The following DGKB variants were observed in gnomAD, a reference collection of about 807,000 sequenced individuals.
The protein encoded by DGKB is 90 kDa diacylglycerol kinase.
In DGKB, 67 loss-of-function variants were observed where a neutral mutation model predicts 114.3. The observed-to-expected ratio is 0.59, with a 90% CI of 0.48 to 0.72. DGKB has a LOEUF of 0.72. DGKB is among the 30% of genes least tolerant of loss of function. The pLI is 0.00. For missense variants in DGKB, 907 were observed against 975.2 expected, an observed-to-expected ratio of 0.93 and a Z score of 0.93; for synonymous variants, 398 against 323.1, an observed-to-expected ratio of 1.23 and a Z score of -2.49.
chr7:14,744,497 CTA>C (rs1832988097), intron 4 of DGKB, among the ~76,000 whole-genome samples: 1 of 152,076 alleles, frequency 6.6e-6, no homozygotes, highest in Non-Finnish European at 1.5e-5. Flanking sequence ...CCCAGGAACT[CTA>C]TATTCTAGGA....
chr7:14,300,251 C>T (rs1803289481), intron 23 of DGKB, among the ~76,000 whole-genome samples: 1 of 152,068 alleles, frequency 6.6e-6, no homozygotes, highest in Non-Finnish European at 1.5e-5. Context: ...CATACAATAG[C>T]AAAGTGCACC....
chr7:14,592,888 A>G (rs895306351), intron 17 of DGKB, among the ~76,000 whole-genome samples: 1 of 151,928 alleles, frequency 6.6e-6, no homozygotes, highest in Non-Finnish European at 1.5e-5. Context: ...TCAACAATAC[A>G]TTATAAAATT....
At chr7:14,434,925 G>A (rs543386293) in intron 21 of DGKB, among the ~76,000 whole-genome samples, 2 of 152,122 alleles carry the variant, frequency 1.3e-5, no homozygotes, top group African/African-American at 2.4e-5. Flanking sequence ...TTCACACTAA[G>A]CTTGTTTTGC....
intron 1 of DGKB, among the ~76,000 whole-genome samples, chr7:14,923,207 T>A (rs970129302): frequency 6.6e-6 from 1 of 152,244 alleles, no homozygotes; most frequent in Non-Finnish European, 1.5e-5. Flanking sequence ...TATTTTCTAA[T>A]TTCACTATAA....
chr7:14,841,128 T>A, intron 2 of DGKB, 66 bp downstream of exon 2: 2 of 1,374,868 alleles, frequency 1.5e-6, no homozygotes, highest in South Asian at 1.3e-5. Flanking sequence ...TCCATTCTTA[T>A]AAATAAATGA....
chr7:14,184,310 G>A (rs575887669), intron 23 of DGKB, among the ~76,000 whole-genome samples: 1 of 152,252 alleles, frequency 6.6e-6, no homozygotes, highest in South Asian at 2.1e-4. Context: ...CTCAGGAGAG[G>A]GCGCAAATCT....
At chr7:14,231,085 T>TTCTTTCTC (rs879505673) in intron 23 of DGKB, among the ~76,000 whole-genome samples, 5,378 of 41,574 alleles carry the variant, frequency 0.13, 137 homozygotes, top group Non-Finnish European at 0.14. Flanking sequence ...TTCTTTCCCT[T>TTCTTTCTC]TCTTTCTTTC....
rs116350457 is a variant in DGKB at position 14,954,914 on chromosome 7, A to G, written c.-188+19782T>C. 8.5e-3 allele frequency among the ~76,000 whole-genome samples: 1,289 copies of G among 152,154 alleles called. 14 individuals are homozygous for G. The highest frequency in any genetic ancestry group is 0.024 in the African/African-American group (996 of 41,550). ...TTATGTATATATTTTTTCCAAATCA[A>G]TGACAAACTATAGATAGAGCATACA... On this transcript the variant is annotated intron_variant, in intron 1 of 4. Coordinates refer to the DGKB transcript ENST00000437998.
intron 2 of DGKB, among the ~76,000 whole-genome samples, chr7:14,821,999 T>A (rs1845009740): frequency 6.6e-6 from 1 of 152,198 alleles, no homozygotes; most frequent in Admixed American, 6.5e-5. Context: ...GTCATAACTT[T>A]ATTTTCCCCC....
At chr7:14,387,476 A>T (rs1047984219) in intron 21 of DGKB, among the ~76,000 whole-genome samples, 6 of 150,864 alleles carry the variant, frequency 4.0e-5, no homozygotes, top group African/African-American at 1.2e-4. Flanking sequence ...GCAGTGGCAT[A>T]ATCTGGGTTC....
At chr7:14,365,503 A>C (rs1443480651) in intron 21 of DGKB, among the ~76,000 whole-genome samples, 1 of 152,246 alleles carries the variant, frequency 6.6e-6, no homozygotes, top group East Asian at 1.9e-4. Context: ...AAGTCTAAGG[A>C]CTTGACAAAA....
At chr7:14,787,701 G>A (rs1363751901) in intron 2 of DGKB, among the ~76,000 whole-genome samples, 1 of 152,178 alleles carries the variant, frequency 6.6e-6, no homozygotes, top group Non-Finnish European at 1.5e-5. Flanking sequence ...GAAATAATGT[G>A]GGCAGGCAAG....
At chr7:14,775,525 T>C (rs951188361) in intron 2 of DGKB, among the ~76,000 whole-genome samples, 1 of 151,568 alleles carries the variant, frequency 6.6e-6, no homozygotes, top group Admixed American at 6.6e-5. Flanking sequence ...TCTCCACATG[T>C]TGTGGGAGCG....
chr7:14,680,580 G>A (rs968525656), intron 12 of DGKB, among the ~76,000 whole-genome samples: 1 of 151,440 alleles, frequency 6.6e-6, no homozygotes, highest in African/African-American at 2.4e-5. Flanking sequence ...AAAACAATGA[G>A]AAAAACAAAA....
chr7:14,698,004 AG>A, intron 8 of DGKB, 90 bp downstream of exon 8: 1 of 712,610 alleles, frequency 1.4e-6, no homozygotes, highest in African/African-American at 2.0e-5. Flanking sequence ...AAAAAAAGAA[AG>A]AAAGAAAGAA....
At chr7:14,583,263 G>A (rs541251362) in intron 17 of DGKB, 126 bp from the exon 18 acceptor site, 106 of 549,652 alleles carry the variant, frequency 1.9e-4, no homozygotes, top group Non-Finnish European at 3.0e-4. Context: ...AAATATCTCA[G>A]TGATAACTTA....
chr7:14,919,085 CACACACACAA>C (rs1300818387), intron 1 of DGKB, among the ~76,000 whole-genome samples: 11 of 122,190 alleles, frequency 9.0e-5, no homozygotes, highest in African/African-American at 1.6e-4. Context: ...CACACACACA[CACACACACAA>C]ACACACACAC....
chr7:14,205,832 G>C (rs911528323), intron 23 of DGKB, among the ~76,000 whole-genome samples: 2 of 151,966 alleles, frequency 1.3e-5, no homozygotes, highest in Admixed American at 1.3e-4. Flanking sequence ...CTACGTATGG[G>C]AAGTAGAATC....
At chr7:14,349,588 C>G (rs1039042218) in intron 21 of DGKB, among the ~76,000 whole-genome samples, 2 of 152,148 alleles carry the variant, frequency 1.3e-5, no homozygotes, top group African/African-American at 4.8e-5. Context: ...GTTAGCATTA[C>G]TGCTCATGTG....
Sources: gnomAD v4.1 joint callset for allele counts (sites outside exome capture counted in the v4.1 genomes callset) on GRCh38, gnomAD v4.1.1 for gene constraint, MANE v1.5 for transcripts, NCBI Gene and HGNC (gene_info 2026-07-23, HGNC 2026-07-21) for gene names.